TRPM3: variants seen among roughly 807,000 people sequenced by gnomAD.
TRPM3 encodes transient receptor potential cation channel subfamily M member 3.
TRPM3 carries 77 observed loss-of-function variants against 181.2 expected under a neutral mutation model. That is an observed-to-expected ratio of 0.42 (90% CI 0.35 to 0.51). The LOEUF (loss-of-function observed/expected upper bound fraction) is 0.51. Among genes scored for constraint, TRPM3 ranks in the 20% least tolerant of loss-of-function variants. The probability of loss-of-function intolerance (pLI) is 0.01; values close to 1 mark genes in which losing one functional copy is unlikely to be tolerated. For synonymous variants in TRPM3, 745 were observed against 796.4 expected (o/e 0.94, Z 1.09); for missense variants, 1,759 against 2,196.7 (o/e 0.80, Z 3.98).
At chr9:70,603,076 A>G (rs1316746649) in intron 20 of TRPM3, among the ~76,000 whole-genome samples, 1 of 152,220 alleles carries the variant, frequency 6.6e-6, no homozygotes, top group Non-Finnish European at 1.5e-5. Flanking sequence ...TGAGGCATCA[A>G]AAACAACTAG....
chr9:70,615,408 T>C (rs537781399), intron 18 of TRPM3, among the ~76,000 whole-genome samples: 159 of 152,320 alleles, frequency 1.0e-3, no homozygotes, highest in Admixed American at 3.0e-3. Context: ...GCTCTATAAT[T>C]ATATGAGGAA....
intron 1 of TRPM3, among the ~76,000 whole-genome samples, chr9:71,440,748 A>G (rs2094125647): frequency 6.6e-6 from 1 of 152,246 alleles, no homozygotes; most frequent in South Asian, 2.1e-4. Context: ...CAAAAGTTAG[A>G]TGAATGTTTC....
At chr9:70,611,043 G>GAAAC (rs374908069) in intron 18 of TRPM3, among the ~76,000 whole-genome samples, 3 of 152,302 alleles carry the variant, frequency 2.0e-5, no homozygotes, top group South Asian at 2.1e-4. Flanking sequence ...CAGAGAGGAA[G>GAAAC]AAACAGTGTA....
At chr9:71,226,198 A>G (rs112427035) in intron 1 of TRPM3, among the ~76,000 whole-genome samples, 2,653 of 152,118 alleles carry the variant, frequency 0.017, 43 homozygotes, top group South Asian at 0.039. Flanking sequence ...ACAAAAAATA[A>G]AAAGCAAGAA....
At chr9:70,874,254 T>C (rs2095837280) in intron 1 of TRPM3, among the ~76,000 whole-genome samples, 1 of 151,982 alleles carries the variant, frequency 6.6e-6, no homozygotes, top group Non-Finnish European at 1.5e-5. Flanking sequence ...TTCTTCATTA[T>C]GGGGCAATTA....
intron 1 of TRPM3, among the ~76,000 whole-genome samples, chr9:71,008,042 A>T (rs979554260): frequency 1.3e-5 from 2 of 152,068 alleles, no homozygotes; most frequent in Non-Finnish European, 1.5e-5. Flanking sequence ...TACTAAGAAA[A>T]TAAGAAAGAA....
At chr9:70,540,252 A>ACTAGCTCTACC (rs1348674196) in intron 25 of TRPM3, among the ~76,000 whole-genome samples, 1 of 152,252 alleles carries the variant, frequency 6.6e-6, no homozygotes, top group African/African-American at 2.4e-5. Context: ...ATTGGGTCTC[A>ACTAGCTCTACC]CTAGCTCTCT....
chr9:71,108,654 T>G (rs2070314284), intron 1 of TRPM3, among the ~76,000 whole-genome samples: 1 of 152,144 alleles, frequency 6.6e-6, no homozygotes, highest in Non-Finnish European at 1.5e-5. Context: ...CGAAGCTAAC[T>G]TACAAAGAAA....
chr9:70,612,163 G>A (rs932036647), intron 18 of TRPM3, among the ~76,000 whole-genome samples: 85 of 152,162 alleles, frequency 5.6e-4, no homozygotes, highest in Non-Finnish European at 2.6e-4. Context: ...TGACTAAAAT[G>A]ATCTAGTTGA....
At chr9:71,379,909 C>A (rs2092758218) in intron 1 of TRPM3, among the ~76,000 whole-genome samples, 1 of 151,974 alleles carries the variant, frequency 6.6e-6, no homozygotes, top group African/African-American at 2.4e-5. Context: ...ACAGCATACG[C>A]AAGTAACTTT....
intron 1 of TRPM3, among the ~76,000 whole-genome samples, chr9:71,062,083 A>G (rs1332219890): frequency 6.6e-6 from 1 of 152,092 alleles, no homozygotes; most frequent in African/African-American, 2.4e-5. Flanking sequence ...CCTAGAACCT[A>G]GAAATATCTT....
chr9:70,933,164 GT>G, intron 1 of TRPM3, among the ~76,000 whole-genome samples: 1 of 152,260 alleles, frequency 6.6e-6, no homozygotes, highest in African/African-American at 2.4e-5. Context: ...GGTTTGCAAC[GT>G]TTGTGGTTCC....
chr9:71,411,962 AT>A (rs1290659920), intron 1 of TRPM3, among the ~76,000 whole-genome samples: 1 of 152,186 alleles, frequency 6.6e-6, no homozygotes, highest in Non-Finnish European at 1.5e-5. Flanking sequence ...CAACCATCTG[AT>A]CTTTGACAAA....
chr9:71,135,866 A>G (rs2074734321), intron 1 of TRPM3, among the ~76,000 whole-genome samples: 1 of 152,230 alleles, frequency 6.6e-6, no homozygotes, highest in South Asian at 2.1e-4. Flanking sequence ...TTACTAATAC[A>G]AAATACAAAC....
chr9:71,291,480 T>G (rs961130598), intron 1 of TRPM3, among the ~76,000 whole-genome samples: 1 of 152,148 alleles, frequency 6.6e-6, no homozygotes, highest in African/African-American at 2.4e-5. Context: ...AATTAGATCT[T>G]TAATTTGTCA....
Position 70,789,160 on chromosome 9 carries a change from T to G in TRPM3, c.974-4881A>C, listed in dbSNP as rs1329028475. On this transcript the variant is annotated intron_variant, in intron 6 of 25. Coordinates refer to ENST00000677713, the MANE Select transcript of TRPM3 (RefSeq NM_001366145.2). ...TAGCAAGATTCACAATCTTACAAATTAGAATCTGCAGGATAAGACTTCATA... is the reference window on the plus strand; with the variant it reads ...TAGCAAGATTCACAATCTTACAAATGAGAATCTGCAGGATAAGACTTCATA... Among the ~76,000 whole-genome samples the G allele has an allele frequency of 2.0e-5, 3 of 152,338 alleles. No homozygotes were observed. The East Asian group carries it at 5.8e-4, about 29-fold the overall frequency.
chr9:70,674,242 C>A (rs1056464606), intron 9 of TRPM3, among the ~76,000 whole-genome samples: 4 of 152,120 alleles, frequency 2.6e-5, no homozygotes, highest in Non-Finnish European at 5.9e-5. Flanking sequence ...AAGGTAACTT[C>A]TCAGTAAACA....
chr9:70,676,406 T>C (rs369752577), intron 9 of TRPM3, among the ~76,000 whole-genome samples: 11 of 152,194 alleles, frequency 7.2e-5, no homozygotes, highest in African/African-American at 2.7e-4. Context: ...ATAACTTCAT[T>C]TGCTGTGAAT....
chr9:70,605,789 C>CCAT (rs1201003661), intron 19 of TRPM3, among the ~76,000 whole-genome samples: 1 of 152,216 alleles, frequency 6.6e-6, no homozygotes, highest in Non-Finnish European at 1.5e-5. Context: ...GGGTCAAATT[C>CCAT]CATCACTTGT....
Sources: gnomAD v4.1 joint callset for allele counts (sites outside exome capture counted in the v4.1 genomes callset) on GRCh38, gnomAD v4.1.1 for gene constraint, MANE v1.5 for transcripts, NCBI Gene and HGNC (gene_info 2026-07-23, HGNC 2026-07-21) for gene names.